Variants in SYNE1 observed in about 807,000 individuals in gnomAD.
SYNE1 encodes the protein nesprin-1.
SYNE1 carries 616 observed loss-of-function variants against 1,111.0 expected under a neutral mutation model. The observed-to-expected ratio is 0.55, with a 90% CI of 0.52 to 0.59. The LOEUF (loss-of-function observed/expected upper bound fraction) is 0.59, where lower values mean the gene tolerates loss of function less well. Among genes scored for constraint, SYNE1 ranks in the 20% least tolerant of loss-of-function variants. The pLI is 0.00. For missense variants in SYNE1, 10,006 were observed against 10,417.0 expected, an observed-to-expected ratio of 0.96 and a Z score of 1.72; for synonymous variants, 3,855 against 3,825.8, an observed-to-expected ratio of 1.01 and a Z score of -0.28.
chr6:152,122,617 C>T lies in SYNE1; in HGVS notation c.26213G>A (p.Arg8738His), dbSNP rs1276774540. The T allele has an allele frequency of 9.3e-6, 15 of 1,614,126 alleles. No individual in the cohort carries two copies. The highest frequency in any genetic ancestry group is 1.1e-5 in the Non-Finnish European group (13 of 1,179,996). ...LSEPGPGRSG[R>H]GFLFRVLRAA... The stretch of plus-strand genomic sequence containing the variant: ...TCGGAGGACTCTGAACAGGAAGCCG[C>T]GGCCGGACCGACCTGGCCCTGGCTC... Residue 8738 changes from arginine to histidine, a missense_variant, in exon 146 of 146, where the codon CGC becomes CAC. Physicochemically the swap from Arg to His is conservative, Grantham distance 29 (BLOSUM62 0). Coordinates refer to ENST00000367255, the MANE Select transcript of SYNE1 (RefSeq NM_182961.4).
intron 67 of SYNE1, among the ~76,000 whole-genome samples, chr6:152,354,413 C>T (rs1282174014): frequency 6.6e-6 from 1 of 152,062 alleles, no homozygotes; most frequent in African/African-American, 2.4e-5. Context: ...CTTCACAAAA[C>T]AAGGTAATAG....
chr6:152,210,592 C>T (rs955400759), intron 124 of SYNE1, among the ~76,000 whole-genome samples: 2 of 152,040 alleles, frequency 1.3e-5, no homozygotes, highest in African/African-American at 2.4e-5. Flanking sequence ...AAAGACAAAA[C>T]TCTCAATAAA....
intron 47 of SYNE1, 43 bp from the exon 48 acceptor site, chr6:152,399,866 G>C: frequency 6.3e-7 from 1 of 1,583,928 alleles, no homozygotes; most frequent in Middle Eastern, 1.7e-4. Flanking sequence ...CATAACTTGA[G>C]AGAAATACTC....
intron 127 of SYNE1, among the ~76,000 whole-genome samples, chr6:152,196,069 G>A (rs73780646): frequency 0.086 from 13,028 of 152,160 alleles, 661 homozygotes; most frequent in African/African-American, 0.14. Context: ...CAACAGAACC[G>A]TGGGGAATAC....
At chr6:152,389,713 T>G (rs2097578438) in intron 53 of SYNE1, among the ~76,000 whole-genome samples, 1 of 152,194 alleles carries the variant, frequency 6.6e-6, no homozygotes, top group African/African-American at 2.4e-5. Flanking sequence ...TGGGCTCTAT[T>G]CTGGATGGAC....
intron 3 of SYNE1, chr6:152,546,338 A>G (rs1422191539): frequency 6.6e-6 from 1 of 152,180 alleles, no homozygotes; most frequent in Admixed American, 6.5e-5. Context: ...AATTCTTCCC[A>G]TTGTGATCAG....
chr6:152,552,333 C>T (rs1595205095), intron 3 of SYNE1, among the ~76,000 whole-genome samples: 1 of 151,988 alleles, frequency 6.6e-6, no homozygotes, highest in East Asian at 1.9e-4. Context: ...TACATTTTCA[C>T]ATTTTGGGAT....
intron 105 of SYNE1, among the ~76,000 whole-genome samples, chr6:152,245,082 C>T (rs369340311): frequency 3.9e-5 from 6 of 152,216 alleles, no homozygotes; most frequent in African/African-American, 7.2e-5. Context: ...AGAGATTCAG[C>T]GAGGCAACAA....
intron 126 of SYNE1, among the ~76,000 whole-genome samples, chr6:152,203,758 A>G (rs2075971674): frequency 6.6e-6 from 1 of 152,216 alleles, no homozygotes; most frequent in South Asian, 2.1e-4. Flanking sequence ...AATTTGGCAC[A>G]AGTCTCATTT....
At chr6:152,249,762 A>G (rs1040660850) in intron 104 of SYNE1, among the ~76,000 whole-genome samples, 1 of 152,140 alleles carries the variant, frequency 6.6e-6, no homozygotes, top group Non-Finnish European at 1.5e-5. Context: ...AGCCATCCAG[A>G]AGTTTAGAAA....
intron 38 of SYNE1, among the ~76,000 whole-genome samples, chr6:152,426,906 C>T (rs535775708): frequency 6.6e-6 from 1 of 152,156 alleles, no homozygotes; most frequent in South Asian, 2.1e-4. Flanking sequence ...TTCAGAGAAG[C>T]GATTACAAAA....
At chr6:152,424,497 C>G (rs2098321204) in intron 39 of SYNE1, among the ~76,000 whole-genome samples, 1 of 152,126 alleles carries the variant, frequency 6.6e-6, no homozygotes, top group Non-Finnish European at 1.5e-5. Context: ...TTCAAATGTC[C>G]CTTTTTTTGA....
rs562846100 is a variant in SYNE1, at chr6:152,493,487, C to T, written c.940-4984G>A. On this transcript the variant is annotated intron_variant, in intron 11 of 145. Transcript: ENST00000367255. The stretch of plus-strand genomic sequence containing the variant: ...TACTGCTGCAAGGCTTCAGGGACAG[C>T]GCCCATTACTTCAGTCAAGCCCTTT... Among the ~76,000 whole-genome samples the T allele has an allele frequency of 2.1e-4, 32 of 152,240 alleles. No individual in the cohort carries two copies. The South Asian group carries it at 2.9e-3, about 14-fold the overall frequency.
chr6:152,162,152 A>G (rs1392669108), intron 131 of SYNE1, among the ~76,000 whole-genome samples: 1 of 152,156 alleles, frequency 6.6e-6, no homozygotes, highest in African/African-American at 2.4e-5. Context: ...TCAGATTTTC[A>G]AGTAATCTTC....
At chr6:152,324,501 G>A (rs1167082132) in intron 81 of SYNE1, among the ~76,000 whole-genome samples, 3 of 152,156 alleles carry the variant, frequency 2.0e-5, no homozygotes, top group Non-Finnish European at 2.9e-5. Flanking sequence ...AGGCCGTTAA[G>A]AAAGCAAATG....
At chr6:152,209,026 C>T (rs1478149194) in intron 124 of SYNE1, among the ~76,000 whole-genome samples, 1 of 152,104 alleles carries the variant, frequency 6.6e-6, no homozygotes, top group Non-Finnish European at 1.5e-5. Flanking sequence ...TAATTTATGG[C>T]TCTAGAACTG....
chr6:152,442,436 T>G (rs1433910479), intron 30 of SYNE1, among the ~76,000 whole-genome samples, 191 bp from the exon 31 acceptor site: 1 of 152,244 alleles, frequency 6.6e-6, no homozygotes, highest in Non-Finnish European at 1.5e-5. Flanking sequence ...AAATATTGTA[T>G]GTTTTTAATG....
rs1554306748 is a variant in SYNE1 at position 152,269,269 on chromosome 6, C to T, written c.18591G>A (p.Lys6197=). 3.1e-6 allele frequency: 5 copies of T among 1,614,186 alleles called. No individual in the cohort carries two copies. The highest frequency in any genetic ancestry group is 4.2e-6 in the Non-Finnish European group (5 of 1,180,046). Reference sequence around the variant, plus strand: ...CTGTTAGGTCAACATCGCTCTCCTCCTTCTCCTGTGCTGTTCCCTGCTTTT... The same window carrying T: ...CTGTTAGGTCAACATCGCTCTCCTCTTTCTCCTGTGCTGTTCCCTGCTTTT... The part of the protein sequence containing the change: ...QLNMQGTAQE[K]EESDVDLTAT... The change falls in exon 99 of 146, where the codon AAG becomes AAA. Residue 6197 remains lysine, a synonymous_variant. Coordinates refer to ENST00000367255, the MANE Select transcript of SYNE1 (RefSeq NM_182961.4).
chr6:152,330,994 C>G lies in SYNE1; in HGVS notation c.13691G>C (p.Arg4564Thr). Residue 4564 changes from arginine to threonine, a missense_variant, in exon 78 of 146, where the codon AGG becomes ACG. Coordinates refer to ENST00000367255, the MANE Select transcript of SYNE1 (RefSeq NM_182961.4). ...ATCAAAATCTTCCTTAAAATGCTTC[C>G]TAGAAACCAAATTCTTCTCTAGTTC... Reference protein sequence around the residue: ...LQELEKNLVSRKHFKEDFDKA... With the variant: ...LQELEKNLVSTKHFKEDFDKA... The G allele has an allele frequency of 6.2e-7, 1 of 1,614,122 alleles. No individual in the cohort carries two copies. Among genetic ancestry groups the G allele is most frequent in the Non-Finnish European group, 8.5e-7 (1 of 1,180,008 alleles).
Sources: allele counts gnomAD v4.1 joint callset (sites outside exome capture counted in the v4.1 genomes callset), GRCh38; gene constraint gnomAD v4.1.1; transcripts MANE v1.5; gene names NCBI Gene and HGNC (gene_info 2026-07-23, HGNC 2026-07-21).